Variants in ZBTB20 observed in about 807,000 individuals in gnomAD.
ZBTB20 encodes the protein zinc finger and BTB domain-containing protein 20.
ZBTB20 carries 9 observed loss-of-function variants against 56.9 expected under a neutral mutation model. That is an observed-to-expected ratio of 0.16 (90% CI 0.10 to 0.28). ZBTB20 has a LOEUF of 0.28. Ranked by LOEUF, ZBTB20 falls within the 10% of genes least tolerant of loss-of-function variation. The probability of loss-of-function intolerance (pLI) is 1.00; values close to 1 mark genes in which losing one functional copy is unlikely to be tolerated. For missense variants in ZBTB20, 655 were observed against 1,003.0 expected (o/e 0.65, Z 4.69); for synonymous variants, 417 against 420.7 (o/e 0.99, Z 0.11).
At chr3:114,929,427 G>A (rs187373116) in intron 3 of ZBTB20, among the ~76,000 whole-genome samples, 1 of 152,340 alleles carries the variant, frequency 6.6e-6, no homozygotes, top group Admixed American at 6.5e-5. Flanking sequence ...AAGGAAGTGA[G>A]TATTCTGCTG....
At chr3:114,687,609 T>TAAAAAAAAAAAAAAAAAAAAA (rs201910158) in intron 6 of ZBTB20, 1 of 105,442 alleles carries the variant, frequency 9.5e-6, no homozygotes. Context: ...AGTTGAAAGG[T>TAAAAAAAAAAAAAAAAAAAAA]AAAAAAAAAA....
At chr3:115,145,543 G>C (rs1315678293) in intron 1 of ZBTB20, among the ~76,000 whole-genome samples, 1 of 152,134 alleles carries the variant, frequency 6.6e-6, no homozygotes, top group African/African-American at 2.4e-5. Context: ...TTGTTACACT[G>C]TATTGTTTAG....
chr3:115,034,888 T>C (rs901373392), intron 2 of ZBTB20, among the ~76,000 whole-genome samples: 2 of 151,726 alleles, frequency 1.3e-5, no homozygotes, highest in Non-Finnish European at 2.9e-5. Flanking sequence ...AGAAATAAAA[T>C]AGAGTCCAGA....
chr3:114,986,153 AAT>A (rs2078530802), intron 2 of ZBTB20, among the ~76,000 whole-genome samples: 1 of 151,996 alleles, frequency 6.6e-6, no homozygotes, highest in South Asian at 2.1e-4. Context: ...TTTTATATGA[AAT>A]ATATGTGTAT....
chr3:114,655,037 TA>T, intron 6 of ZBTB20, among the ~76,000 whole-genome samples: 1 of 152,274 alleles, frequency 6.6e-6, no homozygotes, highest in South Asian at 2.1e-4. Context: ...TTATTACATT[TA>T]AAGTGTATTC....
chr3:114,838,497 A>G (rs981771213), intron 4 of ZBTB20, among the ~76,000 whole-genome samples: 1 of 152,174 alleles, frequency 6.6e-6, no homozygotes, highest in Admixed American at 6.5e-5. Flanking sequence ...ATGAGGGCCT[A>G]AAGGGAGAGA....
In ZBTB20 at chr3:114,615,397, A is replaced by T. The variant is rs1239779480; in HGVS notation, c.-295+78131T>A. Among the ~76,000 whole-genome samples, 3 of 152,294 alleles carry T rather than the reference A, an allele frequency of 2.0e-5. No homozygotes were observed. The East Asian group carries it at 5.8e-4, about 29-fold the overall frequency. ...CCTTACTAAATACCAAGACTACAGT[A>T]CTATTATTTTCACAAGTGAGCATGG... On this transcript the variant is annotated intron_variant, in intron 6 of 11. Transcript: ENST00000675478.
intron 10 of ZBTB20, among the ~76,000 whole-genome samples, chr3:114,376,780 G>C (rs980219187): frequency 6.6e-6 from 1 of 152,218 alleles, no homozygotes; most frequent in Non-Finnish European, 1.5e-5. Flanking sequence ...GATGAGGCCG[G>C]TATAAAACAT....
rs1041488595 is a variant in ZBTB20 at position 114,331,510 on chromosome 3, C to G, written c.*7495G>C. On this transcript the variant is annotated 3_prime_UTR_variant, in exon 12 of 12. Coordinates refer to ENST00000675478, the MANE Select transcript of ZBTB20 (RefSeq NM_001348800.3). ...GGCAACTGTATCTATGCACGAGGAC[C>G]TCTGCCTGTGTGTGCTTCCTTTGGG... 1 of 152,188 alleles carries G rather than the reference C, an allele frequency of 6.6e-6. No individual in the cohort carries two copies. Among genetic ancestry groups the G allele is most frequent in the Non-Finnish European group, 1.5e-5 (1 of 68,036 alleles). The allele number at this position is 152,188 out of a possible 1,614,324, so 9.4% of individuals were successfully genotyped here.
chr3:114,792,668 G>A (rs977672990), intron 5 of ZBTB20, among the ~76,000 whole-genome samples: 1 of 152,016 alleles, frequency 6.6e-6, no homozygotes, highest in African/African-American at 2.4e-5. Context: ...TTTACATGCA[G>A]TGCTCCTAAA....
chr3:114,709,779 G>A (rs1478719487), intron 5 of ZBTB20, among the ~76,000 whole-genome samples: 2 of 152,140 alleles, frequency 1.3e-5, no homozygotes, highest in Non-Finnish European at 2.9e-5. Context: ...CTTAGCTCTA[G>A]CCAACTTTTA....
intron 6 of ZBTB20, among the ~76,000 whole-genome samples, chr3:114,660,343 C>T (rs1056130719): frequency 1.3e-5 from 2 of 152,208 alleles, no homozygotes; most frequent in East Asian, 3.9e-4. Flanking sequence ...GCTTGGGTCA[C>T]GTCAGGTCGA....
At chr3:114,745,391 CTG>C (rs1404742543) in intron 5 of ZBTB20, among the ~76,000 whole-genome samples, 1 of 152,104 alleles carries the variant, frequency 6.6e-6, no homozygotes, top group Admixed American at 6.6e-5. Flanking sequence ...TTGGAAGAGA[CTG>C]AGAAGATGCT....
intron 7 of ZBTB20, among the ~76,000 whole-genome samples, chr3:114,429,794 T>A (rs1326857681): frequency 6.6e-6 from 1 of 152,194 alleles, no homozygotes; most frequent in Non-Finnish European, 1.5e-5. Flanking sequence ...TACATAGACC[T>A]TACATTGCAT....
intron 6 of ZBTB20, among the ~76,000 whole-genome samples, chr3:114,616,758 C>T (rs1031751837): frequency 1.3e-5 from 2 of 152,152 alleles, no homozygotes; most frequent in African/African-American, 4.8e-5. Flanking sequence ...CTGGATGCTC[C>T]CCTAACACCC....
intron 1 of ZBTB20, among the ~76,000 whole-genome samples, chr3:115,101,550 T>C (rs1486017764): frequency 6.6e-6 from 1 of 152,168 alleles, no homozygotes; most frequent in Non-Finnish European, 1.5e-5. Flanking sequence ...AACTAGACTC[T>C]GCTTGACGAG....
chr3:114,904,252 C>G (rs913383756), intron 3 of ZBTB20: 7 of 152,000 alleles, frequency 4.6e-5, no homozygotes, highest in Admixed American at 1.3e-4. Context: ...ACTAGTTGGG[C>G]CTGGCTAGAG....
At chr3:114,520,490 A>G (rs923609807) in intron 6 of ZBTB20, among the ~76,000 whole-genome samples, 3 of 152,178 alleles carry the variant, frequency 2.0e-5, no homozygotes, top group African/African-American at 7.2e-5. Context: ...TTTAAATGAA[A>G]GCTGGGGATA....
intron 5 of ZBTB20, among the ~76,000 whole-genome samples, chr3:114,702,519 CA>C (rs1469009842): frequency 6.6e-6 from 1 of 151,358 alleles, no homozygotes; most frequent in Admixed American, 6.6e-5. Flanking sequence ...AAGTATTTGA[CA>C]AAAGCTAAAC....
Sources: allele counts gnomAD v4.1 joint callset (sites outside exome capture counted in the v4.1 genomes callset), GRCh38; gene constraint gnomAD v4.1.1; transcripts MANE v1.5; gene names NCBI Gene and HGNC (gene_info 2026-07-23, HGNC 2026-07-21).